The following WDFY4 variants were observed in gnomAD, a reference collection of about 807,000 sequenced individuals.
WDFY4 encodes the protein WDFY family member 4.
WDFY4 carries 169 observed loss-of-function variants against 351.9 expected under a neutral mutation model. That is an observed-to-expected ratio of 0.48 (90% CI 0.42 to 0.55). The LOEUF (loss-of-function observed/expected upper bound fraction) is 0.55. Among genes scored for constraint, WDFY4 ranks in the 20% least tolerant of loss-of-function variants. WDFY4 has a pLI of 0.00. For missense variants in WDFY4, 3,803 were observed against 3,935.6 expected (o/e 0.97, Z 0.90); for synonymous variants, 1,622 against 1,574.6 (o/e 1.03, Z -0.71).
intron 47 of WDFY4, among the ~76,000 whole-genome samples, chr10:48,905,894 G>A (rs1837590738): frequency 6.6e-6 from 1 of 152,214 alleles, no homozygotes; most frequent in Non-Finnish European, 1.5e-5. Flanking sequence ...CAGAAGAATT[G>A]ATTAAAAGCA....
chr10:48,847,830 T>A (rs900584673), intron 39 of WDFY4, among the ~76,000 whole-genome samples: 2 of 152,166 alleles, frequency 1.3e-5, no homozygotes, highest in African/African-American at 4.8e-5. Context: ...AATAAAAACA[T>A]CACAGTTCGA....
At chr10:48,825,704 C>A (rs1275589847) in intron 35 of WDFY4, among the ~76,000 whole-genome samples, 1 of 148,708 alleles carries the variant, frequency 6.7e-6, no homozygotes, top group Non-Finnish European at 1.5e-5. Flanking sequence ...CTTGAATGAT[C>A]AGTGATATGG....
intron 12 of WDFY4, among the ~76,000 whole-genome samples, chr10:48,754,947 C>T (rs1272613371): frequency 6.6e-6 from 1 of 152,134 alleles, no homozygotes; most frequent in African/African-American, 2.4e-5. Context: ...TTTCAATTCA[C>T]ATGAAGTAAA....
intron 37 of WDFY4, among the ~76,000 whole-genome samples, chr10:48,830,465 G>T (rs1478195395): frequency 6.6e-6 from 1 of 152,182 alleles, no homozygotes; most frequent in East Asian, 1.9e-4. Flanking sequence ...AGGAATTGGT[G>T]GTAAGCAGGT....
chr10:48,702,870 T>A (rs1031657730), intron 1 of WDFY4, among the ~76,000 whole-genome samples: 1 of 152,160 alleles, frequency 6.6e-6, no homozygotes, highest in Non-Finnish European at 1.5e-5. Context: ...TGGTGGTTGC[T>A]CTGCACCCTT....
intron 39 of WDFY4, among the ~76,000 whole-genome samples, chr10:48,845,933 C>T (rs531407492): frequency 4.6e-5 from 7 of 152,294 alleles, no homozygotes; most frequent in Non-Finnish European, 1.0e-4. Context: ...CATCCATCAA[C>T]TGTGCTTCTG....
intron 47 of WDFY4, chr10:48,935,264 C>A (rs1176221596): frequency 2.0e-5 from 3 of 152,262 alleles, no homozygotes; most frequent in Non-Finnish European, 2.9e-5. Context: ...TTAGCACAGT[C>A]TTGACACCAG....
chr10:48,930,921 G>C (rs945424201), intron 47 of WDFY4, among the ~76,000 whole-genome samples: 1 of 152,170 alleles, frequency 6.6e-6, no homozygotes, highest in Non-Finnish European at 1.5e-5. Flanking sequence ...GAAAAGAGGA[G>C]AGAAAGAACG....
At position 48,685,422 on chromosome 10, in the gene WDFY4, C is replaced by A. The variant is rs1026842618; in HGVS notation, c.-18+421C>A. On this transcript the variant is annotated intron_variant, in intron 1 of 61. Coordinates refer to ENST00000325239, the MANE Select transcript of WDFY4 (RefSeq NM_001394531.1). ...GGCCGACAGGACAGTGAGGCTCGCC[C>A]TCCAAGCTCCCTCATAGGCCTCTGA... Among the ~76,000 whole-genome samples the A allele has an allele frequency of 2.0e-5, 3 of 152,300 alleles. No homozygotes were observed. The South Asian group carries it at 6.2e-4, about 32-fold the overall frequency.
At chr10:48,776,644 C>A in intron 15 of WDFY4, 106 bp from the exon 16 acceptor site, 6 of 1,173,572 alleles carry the variant, frequency 5.1e-6, no homozygotes, top group Admixed American at 2.8e-5. Context: ...GGTGACTGTG[C>A]GAAACTCTCT....
chr10:48,805,531 C>A (rs2067224920), intron 26 of WDFY4, 110 bp downstream of exon 26: 5 of 1,402,970 alleles, frequency 3.6e-6, no homozygotes, highest in Non-Finnish European at 4.7e-6. Context: ...TCACTTGGAA[C>A]CTTCTAGGAA....
At chr10:48,698,956 C>T (rs542432701) in intron 1 of WDFY4, among the ~76,000 whole-genome samples, 35 of 152,310 alleles carry the variant, frequency 2.3e-4, no homozygotes, top group Admixed American at 3.9e-4. Context: ...GAAATCAGTC[C>T]GCTGGCAACT....
chr10:48,883,076 G>A (rs548563291), intron 43 of WDFY4, among the ~76,000 whole-genome samples: 4 of 152,192 alleles, frequency 2.6e-5, no homozygotes, highest in Non-Finnish European at 4.4e-5. Context: ...CTCAGCAGCC[G>A]GCTGTTATTG....
chr10:48,721,677 G>A (rs1010116490), intron 4 of WDFY4, among the ~76,000 whole-genome samples: 3 of 152,092 alleles, frequency 2.0e-5, no homozygotes, highest in South Asian at 2.1e-4. Flanking sequence ...GATTGATAAC[G>A]GCTGATGTTT....
intron 51 of WDFY4, among the ~76,000 whole-genome samples, chr10:48,956,880 A>G (rs1841615589): frequency 6.6e-6 from 1 of 152,190 alleles, no homozygotes; most frequent in Non-Finnish European, 1.5e-5. Flanking sequence ...GGAGGGAAAC[A>G]TGGATTGATT....
At chr10:48,787,807 CTCTTCTTCTTCTTCTTCT>C (rs1555010319) in intron 20 of WDFY4, among the ~76,000 whole-genome samples, 15 of 76,682 alleles carry the variant, frequency 2.0e-4, no homozygotes, top group Admixed American at 1.1e-3. Flanking sequence ...CCTCCTCCTC[CTCTTCTTCTTCTTCTTCT>C]TCTTCTTCTT....
chr10:48,800,649 G>C (rs2067036715), intron 24 of WDFY4, among the ~76,000 whole-genome samples: 1 of 151,232 alleles, frequency 6.6e-6, no homozygotes, highest in Non-Finnish European at 1.5e-5. Context: ...GAAGTTGTGG[G>C]CTTCTAAGTC....
intron 24 of WDFY4, among the ~76,000 whole-genome samples, chr10:48,800,984 C>T (rs1371918555): frequency 1.3e-5 from 2 of 152,112 alleles, no homozygotes; most frequent in South Asian, 2.1e-4. Flanking sequence ...CCACCCACCT[C>T]GGCCTCCCAA....
rs546183173 is a variant in WDFY4 at position 48,890,511 on chromosome 10, C to T, written c.7168-68C>T. 126 of 1,541,966 alleles carry T rather than the reference C, an allele frequency of 8.2e-5. No homozygotes were observed. In the South Asian group the frequency reaches 1.4e-3, roughly 17 times the overall value. The stretch of plus-strand genomic sequence containing the variant: ...CCATGGATGGCTGGTCACTACCCTC[C>T]TGTTTCCCCCAAGAATCATGGGCAT... On this transcript the variant is annotated intron_variant, in intron 43 of 61. Transcript: ENST00000325239.
Sources: gnomAD v4.1 joint callset for allele counts (sites outside exome capture counted in the v4.1 genomes callset) on GRCh38, gnomAD v4.1.1 for gene constraint, MANE v1.5 for transcripts, NCBI Gene and HGNC (gene_info 2026-07-23, HGNC 2026-07-21) for gene names.